ZIM3: variants seen among roughly 807,000 people sequenced by gnomAD.
The protein encoded by ZIM3 is zinc finger imprinted 3, also known as zinc finger protein 657.
In ZIM3, 11 loss-of-function variants were observed where a neutral mutation model predicts 12.9. The ratio of observed to expected loss-of-function variants is 0.85; its 90% CI spans 0.54 to 1.41. The LOEUF (loss-of-function observed/expected upper bound fraction) is 1.41. Ranked by LOEUF, ZIM3 falls within the 40% of genes most tolerant of loss-of-function variation. ZIM3 has a pLI of 0.00. For synonymous variants in ZIM3, 205 were observed against 198.5 expected (o/e 1.03, Z -0.28); for missense variants, 604 against 557.2 (o/e 1.08, Z -0.85).
In ZIM3 at chr19:57,136,911, C is replaced by T; in HGVS notation, c.203G>A (p.Trp68Ter). Residue 68 changes from tryptophan to a stop codon, truncating the protein, a stop_gained, in exon 4 of 5, where the codon TGG becomes TAG. Coordinates refer to ENST00000269834, the MANE Select transcript of ZIM3 (RefSeq NM_052882.1). LOFTEE classifies it low-confidence loss of function (END_TRUNC). ...ILRLEQGKEP[W>*]LEEEEVLGSG... ...TCCCAGCACTTCCTCTTCCTCCAAC[C>T]ATGGCTCCTTTCCTTGTTCCAACCT... The T allele has an allele frequency of 6.2e-7, 1 of 1,614,190 alleles. No homozygotes were observed. The highest frequency in any genetic ancestry group is 8.5e-7 in the Non-Finnish European group (1 of 1,180,036).
rs763518592 is a variant in ZIM3 at position 57,135,964 on chromosome 19, T to C, written c.373A>G (p.Lys125Glu). ...QKGVECDGSK[K>E]ILPLGIDDVS... The stretch of plus-strand genomic sequence containing the variant: ...TCATCTATGCCCAGTGGAAGTATTT[T>C]CTTAGATCCGTCACATTCTACACCT... Residue 125 changes from lysine (K) to glutamate (E), a missense_variant, in exon 5 of 5, where the codon AAA (lysine) becomes GAA (glutamate). Transcript: ENST00000269834. The C allele has an allele frequency of 2.1e-5, 34 of 1,614,216 alleles. No individual in the cohort carries two copies. In the South Asian group the frequency reaches 3.7e-4, roughly 18 times the overall value.
chr19:57,138,626 A>G, intron 2 of ZIM3, 28 bp from the exon 3 acceptor site: 1 of 1,608,848 alleles, frequency 6.2e-7, no homozygotes, highest in Non-Finnish European at 8.5e-7. Flanking sequence ...CGATCAGTAT[A>G]AAAATGCCAT....
Position 57,135,939 on chromosome 19 carries a change from T to A in ZIM3, c.398A>T (p.Asp133Val). ...TACATAGTGTTGCAAGGAAGATACA[T>A]CATCTATGCCCAGTGGAAGTATTTT... ...SKKILPLGID[D>V]VSSLQHYVQN... Residue 133 changes from aspartate (D) to valine (V), a missense_variant, in exon 5 of 5, where the codon GAT (aspartate) becomes GTT (valine). Physicochemically the swap from Asp to Val is radical, Grantham distance 152 (BLOSUM62 -3). Transcript: ENST00000269834. The A allele has an allele frequency of 6.2e-7, 1 of 1,614,166 alleles. No individual in the cohort carries two copies. The highest frequency in any genetic ancestry group is 8.5e-7 in the Non-Finnish European group (1 of 1,180,040).
At position 57,138,792 on chromosome 19, in the gene ZIM3, T is replaced by A. The variant is rs1481828145; in HGVS notation, c.16-194A>T. ...GACCTACTCATGACACTGCCATCTT[T>A]CTCCACCCTCTAGTCCCACCAATTT... On this transcript the variant is annotated intron_variant, in intron 2 of 4. Transcript: ENST00000269834. Among the ~76,000 whole-genome samples the A allele has an allele frequency of 5.3e-5, 8 of 152,252 alleles. No individual in the cohort carries two copies. In the South Asian group the frequency reaches 1.7e-3, roughly 32 times the overall value.
At chr19:57,142,409 T>G (rs1223070923) in intron 2 of ZIM3, among the ~76,000 whole-genome samples, 1 of 152,124 alleles carries the variant, frequency 6.6e-6, no homozygotes. Context: ...CCTAGATTGC[T>G]GAATTACAGG....
intron 1 of ZIM3, among the ~76,000 whole-genome samples, chr19:57,143,009 C>T (rs1382443617): frequency 6.6e-6 from 1 of 152,014 alleles, no homozygotes; most frequent in African/African-American, 2.4e-5. Flanking sequence ...GCCTGTCCAA[C>T]ATGGTGAAAC....
intron 2 of ZIM3, among the ~76,000 whole-genome samples, chr19:57,142,030 A>G (rs999118598): frequency 6.6e-6 from 1 of 151,928 alleles, no homozygotes; most frequent in African/African-American, 2.4e-5. Context: ...TTCTTCACCT[A>G]CGGCAGCTGA....
chr19:57,142,675 G>A lies in ZIM3; in HGVS notation c.-32C>T, dbSNP rs1426163745. ...TTCTTCACCAGTCAGTAAAGTCTTG[G>A]GAAGGCAGATCTGAGGGAAAATGGA... On this transcript the variant is annotated 5_prime_UTR_variant, in exon 2 of 5. Coordinates refer to ENST00000269834, the MANE Select transcript of ZIM3 (RefSeq NM_052882.1). 6.2e-7 allele frequency: 1 copy of A among 1,611,288 alleles called. No individual in the cohort carries two copies. Among genetic ancestry groups the A allele is most frequent in the Non-Finnish European group, 8.5e-7 (1 of 1,178,962 alleles).
At chr19:57,137,854 GGAAGGAAGGAAGGAAA>G (rs2086893767) in intron 3 of ZIM3, among the ~76,000 whole-genome samples, 5 of 26,590 alleles carry the variant, frequency 1.9e-4, no homozygotes, top group African/African-American at 3.1e-4. Context: ...AAGGAAGGAA[GGAAGGAAGGAAGGAAA>G]GAAGGAAGGA....
rs1317090608 is a variant in ZIM3, at chr19:57,135,969, G to T, written c.368C>A (p.Ser123Tyr). ...TTQKGVECDG[S>Y]KKILPLGIDD... Reference sequence around the variant, plus strand: ...TATGCCCAGTGGAAGTATTTTCTTAGATCCGTCACATTCTACACCTTTCTG... The same window carrying T: ...TATGCCCAGTGGAAGTATTTTCTTATATCCGTCACATTCTACACCTTTCTG... The change falls in exon 5 of 5, where the codon TCT becomes TAT. Residue 123 changes from serine (S) to tyrosine (Y), a missense_variant. Coordinates refer to ENST00000269834, the MANE Select transcript of ZIM3 (RefSeq NM_052882.1). The T allele has an allele frequency of 6.2e-7, 1 of 1,613,966 alleles. No individual in the cohort carries two copies. Among genetic ancestry groups the T allele is most frequent in the Non-Finnish European group, 8.5e-7 (1 of 1,180,044 alleles).
Position 57,136,058 on chromosome 19 carries a change from T to G in ZIM3, c.279A>C (p.Pro93=). Residue 93 remains proline (P), a synonymous_variant, in exon 5 of 5, where the codon CCA becomes CCC. Transcript: ENST00000269834. ...TTGCGAGACTCTCTTTCACATCCTT[T>G]GGCTTCCAAATCTGCCCTCCAATGT... ...NGDIGGQIWK[P]KDVKESLARE... 6.2e-7 allele frequency: 1 copy of G among 1,613,380 alleles called. No individual in the cohort carries two copies. Among genetic ancestry groups the G allele is most frequent in the Non-Finnish European group, 8.5e-7 (1 of 1,179,634 alleles).
Position 57,141,366 on chromosome 19 carries a change from A to G in ZIM3, c.15+1263T>C, listed in dbSNP as rs866803268. ...CAGTGAGCCAAGATCAAGCCATTGC[A>G]CTCCAGCCTGGGTGGCAGAGGGAGA... is the stretch of plus-strand genomic sequence containing the variant. On this transcript the variant is annotated intron_variant, in intron 2 of 4. Transcript: ENST00000269834. 1.3e-4 allele frequency among the ~76,000 whole-genome samples: 18 copies of G among 138,142 alleles called. 1 individual carries two copies. Among genetic ancestry groups the G allele is most frequent in the South Asian group, 2.3e-4 (1 of 4,360 alleles). 90.6% of individuals were successfully genotyped at this position (138,142 alleles called of 152,430 possible).
chr19:57,142,545 G>A, intron 2 of ZIM3, 84 bp downstream of exon 2: 2 of 1,454,678 alleles, frequency 1.4e-6, no homozygotes, highest in Admixed American at 1.8e-5. Flanking sequence ...TATGCCAAAA[G>A]GTTAGCACAG....
chr19:57,135,051 A>G lies in ZIM3; in HGVS notation c.1286T>C (p.Ile429Thr). 1 of 1,614,116 alleles carries G rather than the reference A, an allele frequency of 6.2e-7. No homozygotes were observed. The highest frequency in any genetic ancestry group is 1.1e-5 in the South Asian group (1 of 91,082). The change falls in exon 5 of 5, where the codon ATC becomes ACC. Residue 429 changes from isoleucine to threonine, a missense_variant. Transcript: ENST00000269834. ...YRCSECGKTF[I>T]RKLNLSLHKK... Reference sequence around the variant, plus strand: ...ATGCAAACTAAGGTTTAATTTCCGGATGAAGGTTTTTCCACATTCACTACA... The same window carrying G: ...ATGCAAACTAAGGTTTAATTTCCGGGTGAAGGTTTTTCCACATTCACTACA...
In ZIM3 at chr19:57,135,031, A is replaced by C. The variant is rs769083149; in HGVS notation, c.1306T>G (p.Leu436Val). ...KTFIRKLNLS[L>V]HKKTHTGQKP... is the part of the protein sequence containing the mutation. The stretch of plus-strand genomic sequence containing the variant: ...TGTCCAGTATGGGTTTTTTTATGCA[A>C]ACTAAGGTTTAATTTCCGGATGAAG... The change falls in exon 5 of 5, where the codon TTG becomes GTG. Residue 436 changes from leucine (L) to valine (V), a missense_variant. Transcript: ENST00000269834. 2 of 1,614,116 alleles carry C rather than the reference A, an allele frequency of 1.2e-6. No individual in the cohort carries two copies. Among genetic ancestry groups the C allele is most frequent in the South Asian group, 1.1e-5 (1 of 91,082 alleles).
chr19:57,140,209 T>C (rs1485455744), intron 2 of ZIM3, among the ~76,000 whole-genome samples: 1 of 152,050 alleles, frequency 6.6e-6, no homozygotes, highest in East Asian at 1.9e-4. Context: ...AGAGGCTCAC[T>C]CTGGTAGCCC....
chr19:57,142,142 C>CTTTTTT (rs35172118), intron 2 of ZIM3, among the ~76,000 whole-genome samples: 15 of 112,436 alleles, frequency 1.3e-4, no homozygotes, highest in African/African-American at 5.0e-4. Context: ...CGTAACCAAG[C>CTTTTTT]TTTTTTTTTT....
At position 57,135,375 on chromosome 19, in the gene ZIM3, T is replaced by C. The variant is rs573894924; in HGVS notation, c.962A>G (p.Asp321Gly). 6.2e-7 allele frequency: 1 copy of C among 1,613,980 alleles called. No homozygotes were observed. The highest frequency in any genetic ancestry group is 1.1e-5 in the South Asian group (1 of 91,076). ...DCGKAFIYKS[D>G]LVKHQRIHTG... ...GTGTATTCTCTGGTGTTTCACAAGA[T>C]CTGACTTGTAAATGAAAGCCTTTCC... The change falls in exon 5 of 5, where the codon GAT becomes GGT. Residue 321 changes from aspartate to glycine, a missense_variant. Physicochemically the swap from Asp to Gly is moderately conservative, Grantham distance 94 (BLOSUM62 -1). Coordinates refer to ENST00000269834, the MANE Select transcript of ZIM3 (RefSeq NM_052882.1).
intron 1 of ZIM3, among the ~76,000 whole-genome samples, chr19:57,143,600 C>T (rs973660355): frequency 3.3e-5 from 5 of 151,630 alleles, no homozygotes; most frequent in South Asian, 2.1e-4. Context: ...ATTTTGGCCA[C>T]GCGTGGCAGC....
Sources: gnomAD v4.1 joint callset for allele counts (sites outside exome capture counted in the v4.1 genomes callset) on GRCh38, gnomAD v4.1.1 for gene constraint, MANE v1.5 for transcripts, NCBI Gene and HGNC (gene_info 2026-07-23, HGNC 2026-07-21) for gene names.